LHCGR: variants seen among roughly 807,000 people sequenced by gnomAD.
LHCGR encodes the protein luteinizing hormone/choriogonadotropin receptor, also known as lutropin-choriogonadotropic hormone receptor.
LHCGR carries 55 observed loss-of-function variants against 60.7 expected under a neutral mutation model. The observed-to-expected ratio is 0.91, with a 90% CI of 0.73 to 1.13. LHCGR has a LOEUF of 1.13. Ranked by LOEUF, LHCGR falls within the 50% of genes most tolerant of loss-of-function variation. The pLI, the probability that LHCGR is intolerant of heterozygous loss-of-function variation, is 0.00. For missense variants in LHCGR, 862 were observed against 836.0 expected (o/e 1.03, Z -0.38); for synonymous variants, 337 against 316.5 (o/e 1.06, Z -0.69).
intron 7 of LHCGR, among the ~76,000 whole-genome samples, chr2:48,711,978 G>A (rs896090889): frequency 6.6e-6 from 1 of 151,978 alleles, no homozygotes; most frequent in South Asian, 2.1e-4. Flanking sequence ...GGCCCTTCCT[G>A]TTTTGTCCCT....
At chr2:48,721,501 T>G (rs1048426965) in intron 6 of LHCGR, 1 of 304,652 alleles carries the variant, frequency 3.3e-6, no homozygotes. Flanking sequence ...TGTATTCTTT[T>G]GATTGCATTA....
Position 48,687,685 on chromosome 2 carries a change from C to A in LHCGR, c.*12G>T, listed in dbSNP as rs1279341509. On this transcript the variant is annotated 3_prime_UTR_variant, in exon 11 of 11. Coordinates refer to ENST00000294954, the MANE Select transcript of LHCGR (RefSeq NM_000233.4). The stretch of plus-strand genomic sequence containing the variant: ...TAAGAACAATTCAATAATGCAGTTA[C>A]TGATGTAACAGTTAACACTCTGTGT... The A allele has an allele frequency of 6.2e-7, 1 of 1,602,562 alleles. No homozygotes were observed. Among genetic ancestry groups the A allele is most frequent in the South Asian group, 1.1e-5 (1 of 90,872 alleles).
At chr2:48,689,017 T>G (rs1425238539) in intron 10 of LHCGR, among the ~76,000 whole-genome samples, 168 bp from the exon 11 acceptor site, 2 of 152,148 alleles carry the variant, frequency 1.3e-5, no homozygotes, top group Non-Finnish European at 2.9e-5. Context: ...GATGTAGGAG[T>G]ACCTTAAGAA....
chr2:48,728,281 C>T (rs1668836158), intron 3 of LHCGR, among the ~76,000 whole-genome samples: 1 of 152,118 alleles, frequency 6.6e-6, no homozygotes, highest in Admixed American at 6.6e-5. Flanking sequence ...GGGATAATTA[C>T]CCCCACTCTG....
intron 2 of LHCGR, 43 bp from the exon 3 acceptor site, chr2:48,729,270 G>GA: frequency 7.0e-7 from 1 of 1,430,050 alleles, no homozygotes; most frequent in Non-Finnish European, 9.8e-7. Context: ...AAACATGAAA[G>GA]AAATGACCGT....
At chr2:48,694,165 A>C in intron 10 of LHCGR, 59 bp downstream of exon 10, 1 of 985,332 alleles carries the variant, frequency 1.0e-6, no homozygotes, top group South Asian at 1.4e-5. Flanking sequence ...TGATGCTGAT[A>C]ATAAGGTGCA....
chr2:48,721,798 G>C, intron 6 of LHCGR: 1 of 471,076 alleles, frequency 2.1e-6, no homozygotes, highest in Non-Finnish European at 4.4e-6. Context: ...AAAGCAGAAA[G>C]AGTGAGAGGG....
intron 6 of LHCGR, among the ~76,000 whole-genome samples, chr2:48,718,045 AC>A (rs1425763459): frequency 6.6e-6 from 1 of 151,980 alleles, no homozygotes; most frequent in Non-Finnish European, 1.5e-5. Context: ...TCAGTCTTGC[AC>A]AATGCTTTTA....
intron 6 of LHCGR, among the ~76,000 whole-genome samples, chr2:48,719,651 T>G (rs7604001): frequency 0.038 from 5,795 of 152,264 alleles, 363 homozygotes; most frequent in African/African-American, 0.13. Flanking sequence ...CATAAAAGCA[T>G]AATGCATAGT....
intron 10 of LHCGR, among the ~76,000 whole-genome samples, chr2:48,692,753 T>C (rs1558808421): frequency 6.6e-6 from 1 of 152,158 alleles, no homozygotes; most frequent in African/African-American, 2.4e-5. Flanking sequence ...TAAGCCTTAG[T>C]GGCTGGCTCT....
rs548802313 is a variant in LHCGR, at chr2:48,705,718, C to CT, written c.680+3229dup. On this transcript the variant is annotated intron_variant, in intron 8 of 10. Coordinates refer to ENST00000294954, the MANE Select transcript of LHCGR (RefSeq NM_000233.4). Reference sequence around the variant, plus strand: ...TCAGAGACTAGGATTGCAATCCCTGCTTTTTTTTTTTGCTTTCCCTTTGCT... The same window carrying CT: ...TCAGAGACTAGGATTGCAATCCCTGCTTTTTTTTTTTTGCTTTCCCTTTGCT... 2.7e-3 allele frequency among the ~76,000 whole-genome samples: 384 copies of CT among 144,302 alleles called. 3 individuals are homozygous for CT. The highest frequency in any genetic ancestry group is 7.1e-3 in the African/African-American group (281 of 39,578). The allele number at this position is 144,302 out of a possible 152,430, so 94.7% of individuals were successfully genotyped here.
At position 48,687,769 on chromosome 2, in the gene LHCGR, G is replaced by A. The variant is rs866421674; in HGVS notation, c.2028C>T (p.Ser676=). 1 of 1,614,094 alleles carries A rather than the reference G, an allele frequency of 6.2e-7. No individual in the cohort carries two copies. Among genetic ancestry groups the A allele is most frequent in the Non-Finnish European group, 8.5e-7 (1 of 1,179,976 alleles). ...AGTGCAATGTGGACAACTTCAAGGTGGATTGAGAAGGCTTATTTGATCCAG... is the reference window on the plus strand; with the variant it reads ...AGTGCAATGTGGACAACTTCAAGGTAGATTGAGAAGGCTTATTTGATCCAG... ...GFTGSNKPSQ[S]TLKLSTLHCQ... is the part of the protein sequence containing the mutation. The change falls in exon 11 of 11, where the codon TCC becomes TCT. Residue 676 remains serine, a synonymous_variant. Transcript: ENST00000294954.
chr2:48,734,842 G>A (rs755145535), intron 1 of LHCGR, among the ~76,000 whole-genome samples: 1 of 152,212 alleles, frequency 6.6e-6, no homozygotes, highest in African/African-American at 2.4e-5. Flanking sequence ...GCAAAAGAGG[G>A]TGATACACCA....
intron 8 of LHCGR, among the ~76,000 whole-genome samples, chr2:48,701,470 G>T (rs1667404740): frequency 6.6e-6 from 1 of 152,070 alleles, no homozygotes; most frequent in African/African-American, 2.4e-5. Flanking sequence ...TGCTTTTGCT[G>T]TTCCCCCTCC....
At position 48,687,854 on chromosome 2, in the gene LHCGR, G is replaced by C. The variant is rs756407481; in HGVS notation, c.1943C>G (p.Ala648Gly). 1 of 1,614,124 alleles carries C rather than the reference G, an allele frequency of 6.2e-7. No individual in the cohort carries two copies. The highest frequency in any genetic ancestry group is 1.1e-5 in the South Asian group (1 of 91,080). ...LSKFGCCKRR[A>G]ELYRRKDFSA... ...AAAATCTTTCCTTCTATAAAGTTCA[G>C]CCCGACGTTTACAGCAGCCAAATTT... The change falls in exon 11 of 11, where the codon GCT becomes GGT. Residue 648 changes from alanine to glycine, a missense_variant. By Grantham distance (60) the Ala-to-Gly change is moderately conservative. Coordinates refer to ENST00000294954, the MANE Select transcript of LHCGR (RefSeq NM_000233.4).
At chr2:48,731,805 T>C (rs770985774) in intron 1 of LHCGR, among the ~76,000 whole-genome samples, 1 of 152,188 alleles carries the variant, frequency 6.6e-6, no homozygotes, top group Non-Finnish European at 1.5e-5. Flanking sequence ...ACATTAATGA[T>C]GAAAATACAA....
At chr2:48,751,622 A>G (rs967031216) in intron 1 of LHCGR, among the ~76,000 whole-genome samples, 1 of 152,216 alleles carries the variant, frequency 6.6e-6, no homozygotes, top group Non-Finnish European at 1.5e-5. Flanking sequence ...ACGGCACTGA[A>G]CACTGTTTTG....
chr2:48,701,580 C>T (rs1157088166), intron 8 of LHCGR, among the ~76,000 whole-genome samples: 3 of 152,172 alleles, frequency 2.0e-5, no homozygotes, highest in African/African-American at 4.8e-5. Context: ...CCCTCACCAT[C>T]CCCTTTAAAA....
chr2:48,721,653 T>A (rs1326163532), intron 6 of LHCGR: 1 of 468,684 alleles, frequency 2.1e-6, no homozygotes, highest in Admixed American at 2.4e-5. Context: ...TAAAAGAGAG[T>A]CCTCTGAGAT....
Sources: allele counts gnomAD v4.1 joint callset (sites outside exome capture counted in the v4.1 genomes callset), GRCh38; gene constraint gnomAD v4.1.1; transcripts MANE v1.5; gene names NCBI Gene and HGNC (gene_info 2026-07-23, HGNC 2026-07-21).